GRIP1: variants seen among roughly 807,000 people sequenced by gnomAD.
GRIP1 encodes the protein glutamate receptor interacting protein 1, also known as glutamate receptor-interacting protein 1.
Under a neutral mutation model 129.9 loss-of-function variants are expected in GRIP1, and 45 were observed. The ratio of observed to expected loss-of-function variants is 0.35; its 90% CI spans 0.27 to 0.44. The LOEUF (loss-of-function observed/expected upper bound fraction) is 0.44, where lower values mean the gene tolerates loss of function less well. GRIP1 is among the 20% of genes least tolerant of loss of function. GRIP1 has a pLI of 1.00. For missense variants in GRIP1, 1,196 were observed against 1,396.8 expected, an observed-to-expected ratio of 0.86 and a Z score of 2.29; for synonymous variants, 530 against 520.8, an observed-to-expected ratio of 1.02 and a Z score of -0.24.
chr12:66,451,651 C>A (rs999624355), intron 11 of GRIP1, among the ~76,000 whole-genome samples: 48 of 151,878 alleles, frequency 3.2e-4, no homozygotes, highest in African/African-American at 1.2e-3. Flanking sequence ...CTCAAGTGAT[C>A]CACCCGCCTC....
At chr12:66,816,937 A>C (rs1555241886) in intron 1 of GRIP1, among the ~76,000 whole-genome samples, 26 of 152,152 alleles carry the variant, frequency 1.7e-4, no homozygotes, top group Non-Finnish European at 5.9e-5. Context: ...ATAACATTTT[A>C]ACCTACTCAA....
rs796252427 is a variant in GRIP1, at chr12:66,923,843, A to AT, written c.58+145206dup. ...GGATTAAATGAGATAATTTTTCAGC[A>AT]TTTTTTTTTTTATTTCTTGAGATGG... On this transcript the variant is annotated intron_variant, in intron 1 of 1. Coordinates refer to the GRIP1 transcript ENST00000643019. 7.9e-3 allele frequency among the ~76,000 whole-genome samples: 1,168 copies of AT among 147,652 alleles called. 7 individuals are homozygous for AT. Among genetic ancestry groups the AT allele is most frequent in the Middle Eastern group, 0.035 (10 of 282 alleles).
intron 1 of GRIP1, among the ~76,000 whole-genome samples, chr12:66,619,998 T>C (rs2065199789): frequency 6.6e-6 from 1 of 152,180 alleles, no homozygotes; most frequent in South Asian, 2.1e-4. Flanking sequence ...CAGTGAGACT[T>C]TACATCCATT....
intron 1 of GRIP1, among the ~76,000 whole-genome samples, chr12:66,663,740 CGT>C (rs2033643815): frequency 6.6e-6 from 1 of 152,180 alleles, no homozygotes; most frequent in Non-Finnish European, 1.5e-5. Context: ...AACTCTAAAG[CGT>C]GTGTGTCTAA....
chr12:66,354,984 A>C (rs1009250076), intron 23 of GRIP1, among the ~76,000 whole-genome samples: 2 of 152,146 alleles, frequency 1.3e-5, no homozygotes, highest in African/African-American at 2.4e-5. Flanking sequence ...CAAAGGTAAG[A>C]ATGGTGGGGA....
chr12:66,529,575 G>A (rs1235325337), intron 5 of GRIP1, among the ~76,000 whole-genome samples: 1 of 152,154 alleles, frequency 6.6e-6, no homozygotes, highest in Non-Finnish European at 1.5e-5. Context: ...TCGTAAGTAG[G>A]AGCTAAGCTA....
At chr12:66,517,420 T>A (rs2060878480) in intron 6 of GRIP1, among the ~76,000 whole-genome samples, 1 of 152,144 alleles carries the variant, frequency 6.6e-6, no homozygotes, top group African/African-American at 2.4e-5. Flanking sequence ...ACCTACACAG[T>A]CACTATCAAA....
chr12:66,776,483 G>T (rs912193219), intron 1 of GRIP1, among the ~76,000 whole-genome samples: 1 of 152,136 alleles, frequency 6.6e-6, no homozygotes, highest in Non-Finnish European at 1.5e-5. Context: ...AATGACATAG[G>T]ATTATATAGC....
chr12:66,527,733 C>T (rs144165648), intron 5 of GRIP1, among the ~76,000 whole-genome samples: 1 of 151,968 alleles, frequency 6.6e-6, no homozygotes, highest in Non-Finnish European at 1.5e-5. Context: ...CATGTTCTCA[C>T]TTATAAGTGG....
intron 2 of GRIP1, among the ~76,000 whole-genome samples, chr12:66,582,484 C>T (rs1034222001): frequency 5.8e-4 from 86 of 149,260 alleles, no homozygotes; most frequent in Non-Finnish European, 1.1e-3. Flanking sequence ...TTGCAGATGA[C>T]ATGATTGTAT....
chr12:67,037,795 T>C (rs918794076), intron 1 of GRIP1, among the ~76,000 whole-genome samples: 3 of 152,228 alleles, frequency 2.0e-5, no homozygotes, highest in African/African-American at 7.2e-5. Context: ...CTTCATTCTG[T>C]ATTATATTTA....
Position 67,066,891 on chromosome 12 carries a change from TATA to T in GRIP1, c.58+2156_58+2158del, listed in dbSNP as rs1565664443. On this transcript the variant is annotated intron_variant, in intron 1 of 1. Transcript: ENST00000643019. ...GCAGCTCAGTTTAAATATATATTTA[TATA>T]TATATATATATATATATACACACAC... 6.3e-5 allele frequency among the ~76,000 whole-genome samples: 8 copies of T among 126,768 alleles called. No homozygotes were observed. The South Asian group carries it at 1.1e-3, about 18-fold the overall frequency. The allele number at this position is 126,768 out of a possible 152,430, so 83.2% of individuals were successfully genotyped here. A position where few individuals can be genotyped will look rare whatever the true frequency, so the allele number is the denominator to read the frequency against.
rs573824109 is a variant in GRIP1 at position 66,871,121 on chromosome 12, GC to G, written c.58+197928del. Among the ~76,000 whole-genome samples, 13 of 147,218 alleles carry G rather than the reference GC, an allele frequency of 8.8e-5. No homozygotes were observed. The East Asian group carries it at 2.7e-3, about 30-fold the overall frequency. On this transcript the variant is annotated intron_variant, in intron 1 of 1. Coordinates refer to the GRIP1 transcript ENST00000643019. ...AAACAAAGTTAGAGGTTGGAACCCT[GC>G]TATTAGAATTGGTGTAGGTTGGGAA...
intron 1 of GRIP1, among the ~76,000 whole-genome samples, chr12:66,939,739 T>C (rs1407365204): frequency 6.6e-6 from 1 of 152,162 alleles, no homozygotes; most frequent in Admixed American, 6.5e-5. Flanking sequence ...GTTCTCTAGG[T>C]ATCAAGGGAA....
intron 1 of GRIP1, among the ~76,000 whole-genome samples, chr12:66,723,271 C>CCTTG (rs1565987924): frequency 1.9e-4 from 2 of 10,556 alleles, no homozygotes; most frequent in Non-Finnish European, 3.4e-4. Context: ...TTCCTTCCTT[C>CCTTG]CTTCCTTCCT....
At chr12:66,709,770 A>G (rs146652409) in intron 1 of GRIP1, among the ~76,000 whole-genome samples, 22 of 152,156 alleles carry the variant, frequency 1.4e-4, no homozygotes, top group Non-Finnish European at 2.9e-4. Flanking sequence ...ATTTAGCAGC[A>G]CAAGTGCAGG....
At chr12:66,384,062 G>C (rs1025346027) in intron 19 of GRIP1, among the ~76,000 whole-genome samples, 3 of 152,178 alleles carry the variant, frequency 2.0e-5, no homozygotes, top group Admixed American at 6.5e-5. Context: ...ATACCAGCTC[G>C]AAGTGCCTGT....
intron 23 of GRIP1, among the ~76,000 whole-genome samples, chr12:66,364,335 A>T (rs537001431): frequency 6.6e-6 from 1 of 151,126 alleles, no homozygotes; most frequent in East Asian, 1.9e-4. Flanking sequence ...TTGAGGTGTG[A>T]AAGGAAAATA....
intron 1 of GRIP1, among the ~76,000 whole-genome samples, chr12:67,045,166 A>G (rs2043234742): frequency 6.6e-6 from 1 of 152,206 alleles, no homozygotes; most frequent in Non-Finnish European, 1.5e-5. Context: ...AAGATAATCA[A>G]GATTCCCAAG....
Sources: gnomAD v4.1 joint callset for allele counts (sites outside exome capture counted in the v4.1 genomes callset) on GRCh38, gnomAD v4.1.1 for gene constraint, MANE v1.5 for transcripts, NCBI Gene and HGNC (gene_info 2026-07-23, HGNC 2026-07-21) for gene names.